Variants in STK38L observed in about 807,000 individuals in gnomAD.
The protein encoded by STK38L is serine/threonine kinase 38 like, also known as serine/threonine-protein kinase 38-like.
Under a neutral mutation model 59.7 loss-of-function variants are expected in STK38L, and 28 were observed. The ratio of observed to expected loss-of-function variants is 0.47; its 90% CI spans 0.35 to 0.64. The LOEUF (loss-of-function observed/expected upper bound fraction) is 0.64. STK38L is among the 30% of genes least tolerant of loss of function. The pLI is 0.01. For synonymous variants in STK38L, 162 were observed against 176.8 expected (o/e 0.92, Z 0.66); for missense variants, 314 against 555.8 (o/e 0.56, Z 4.37).
chr12:27,284,270 G>A (rs1943722416), intron 1 of STK38L, among the ~76,000 whole-genome samples: 1 of 152,218 alleles, frequency 6.6e-6, no homozygotes, highest in African/African-American at 2.4e-5. Flanking sequence ...TCACTGCACT[G>A]TGGACTCTCA....
intron 1 of STK38L, among the ~76,000 whole-genome samples, chr12:27,266,529 G>T (rs1943305050): frequency 6.6e-6 from 1 of 151,950 alleles, no homozygotes; most frequent in South Asian, 2.1e-4. Context: ...TTTTTTTGTT[G>T]CACTTTTAAG....
rs1399802019 is a variant in STK38L, at chr12:27,324,995, T to A, written c.*2540T>A. ...TTATTATAAACCGTGTGTTTTTGGTTTTTCTAAGTATATAGAAAGCTTGTA... is the reference window on the plus strand; with the variant it reads ...TTATTATAAACCGTGTGTTTTTGGTATTTCTAAGTATATAGAAAGCTTGTA... On this transcript the variant is annotated 3_prime_UTR_variant, in exon 14 of 14. Coordinates refer to ENST00000389032, the MANE Select transcript of STK38L (RefSeq NM_015000.4). 6.6e-6 allele frequency: 1 copy of A among 152,166 alleles called. No individual in the cohort carries two copies. The highest frequency in any genetic ancestry group is 2.4e-5 in the African/African-American group (1 of 41,478). The allele number at this position is 152,166 out of a possible 1,614,324, so 9.4% of individuals were successfully genotyped here.
At chr12:27,270,827 A>G (rs1209861884) in intron 1 of STK38L, among the ~76,000 whole-genome samples, 1 of 152,168 alleles carries the variant, frequency 6.6e-6, no homozygotes, top group Non-Finnish European at 1.5e-5. Context: ...ATCTTAAACT[A>G]TGATTTTAGT....
intron 1 of STK38L, among the ~76,000 whole-genome samples, chr12:27,284,856 T>C (rs1943736593): frequency 6.6e-6 from 1 of 152,234 alleles, no homozygotes; most frequent in Non-Finnish European, 1.5e-5. Flanking sequence ...GTTTTTTGTA[T>C]TCTGGTATCT....
intron 1 of STK38L, among the ~76,000 whole-genome samples, chr12:27,255,595 G>T (rs939650054): frequency 1.3e-5 from 2 of 152,178 alleles, no homozygotes; most frequent in African/African-American, 4.8e-5. Flanking sequence ...CCAACAAGTG[G>T]ATGTTTAGTC....
At chr12:27,294,161 A>T (rs1399306033) in intron 1 of STK38L, among the ~76,000 whole-genome samples, 2 of 152,228 alleles carry the variant, frequency 1.3e-5, no homozygotes, top group African/African-American at 4.8e-5. Context: ...GGTTCACTGG[A>T]ATACTACTGC....
At chr12:27,320,821 G>A (rs1321339849) in intron 12 of STK38L, among the ~76,000 whole-genome samples, 9 of 143,202 alleles carry the variant, frequency 6.3e-5, no homozygotes, top group Admixed American at 2.9e-4. Flanking sequence ...TCACTCTGTC[G>A]CCCAGGCTGG....
intron 3 of STK38L, among the ~76,000 whole-genome samples, chr12:27,304,258 CAAAAAAAA>C (rs34994566): frequency 6.4e-5 from 4 of 62,866 alleles, no homozygotes; most frequent in African/African-American, 2.0e-4. Flanking sequence ...GAGTCTGTCT[CAAAAAAAA>C]AAAAAAAAAA....
At position 27,267,425 on chromosome 12, in the gene STK38L, C is replaced by T. The variant is rs1306306052; in HGVS notation, c.-12+23093C>T. On this transcript the variant is annotated intron_variant, in intron 1 of 13. Coordinates refer to ENST00000389032, the MANE Select transcript of STK38L (RefSeq NM_015000.4). ...GGAAGACCTCATCTCTAACAACAAC[C>T]ACAACAACAAAAAATCAGCCAGGCA... is the stretch of plus-strand genomic sequence containing the variant. Among the ~76,000 whole-genome samples the T allele has an allele frequency of 2.0e-5, 3 of 152,118 alleles. No homozygotes were observed. In the East Asian group the frequency reaches 5.8e-4, roughly 29 times the overall value.
chr12:27,253,330 A>T (rs781680998), intron 1 of STK38L, among the ~76,000 whole-genome samples: 21 of 152,346 alleles, frequency 1.4e-4, no homozygotes, highest in Non-Finnish European at 2.8e-4. Context: ...AGTGAATTCA[A>T]GGAAAGAGAG....
intron 1 of STK38L, among the ~76,000 whole-genome samples, chr12:27,277,991 G>C (rs1023946505): frequency 2.0e-5 from 3 of 152,148 alleles, no homozygotes; most frequent in African/African-American, 7.2e-5. Context: ...AGTGGAGGAG[G>C]GACTTTTCAG....
chr12:27,288,602 C>T (rs1943830374), intron 1 of STK38L, among the ~76,000 whole-genome samples: 1 of 152,038 alleles, frequency 6.6e-6, no homozygotes, highest in Admixed American at 6.5e-5. Flanking sequence ...ACCATGCTCT[C>T]ATGCTCTCCA....
chr12:27,306,891 C>A (rs769206399), intron 3 of STK38L, among the ~76,000 whole-genome samples: 1 of 152,064 alleles, frequency 6.6e-6, no homozygotes, highest in Non-Finnish European at 1.5e-5. Flanking sequence ...CCACCACGCC[C>A]GGCTAATTTT....
chr12:27,315,939 T>A lies in STK38L; in HGVS notation c.837+589T>A, dbSNP rs181967855. On this transcript the variant is annotated intron_variant, in intron 9 of 13. Transcript: ENST00000389032. Reference sequence around the variant, plus strand: ...AAATAGAAGAATTGCTTCCCCTTTCTCCTCTTTCCCTTTGTCCTGTTAACA... The same window carrying A: ...AAATAGAAGAATTGCTTCCCCTTTCACCTCTTTCCCTTTGTCCTGTTAACA... Among the ~76,000 whole-genome samples the A allele has an allele frequency of 9.2e-5, 14 of 152,322 alleles. No individual in the cohort carries two copies. In the East Asian group the frequency reaches 2.7e-3, roughly 29 times the overall value.
chr12:27,288,653 A>G (rs980674610), intron 1 of STK38L, among the ~76,000 whole-genome samples: 1 of 151,770 alleles, frequency 6.6e-6, no homozygotes, highest in African/African-American at 2.4e-5. Context: ...TATAAATTCT[A>G]TAAATTTCTG....
intron 1 of STK38L, among the ~76,000 whole-genome samples, chr12:27,291,698 A>G (rs1282453354): frequency 6.6e-6 from 1 of 152,208 alleles, no homozygotes; most frequent in Non-Finnish European, 1.5e-5. Context: ...GACCCAGTTT[A>G]TACAGTGTAC....
At chr12:27,318,705 T>A (rs1944647992) in intron 11 of STK38L, among the ~76,000 whole-genome samples, 1 of 152,100 alleles carries the variant, frequency 6.6e-6, no homozygotes. Flanking sequence ...GAAAACAAAT[T>A]TATTGGCTGG....
At chr12:27,270,950 A>C (rs1162246774) in intron 1 of STK38L, among the ~76,000 whole-genome samples, 1 of 152,190 alleles carries the variant, frequency 6.6e-6, no homozygotes, top group Admixed American at 6.5e-5. Flanking sequence ...ATTTTTCCAC[A>C]TATTGGAGGA....
chr12:27,303,481 C>G (rs1944230997), intron 3 of STK38L, among the ~76,000 whole-genome samples: 1 of 152,154 alleles, frequency 6.6e-6, no homozygotes, highest in Non-Finnish European at 1.5e-5. Context: ...TACAGTCTTC[C>G]CAAAGACTAG....
Sources: allele counts gnomAD v4.1 joint callset (sites outside exome capture counted in the v4.1 genomes callset), GRCh38; gene constraint gnomAD v4.1.1; transcripts MANE v1.5; gene names NCBI Gene and HGNC (gene_info 2026-07-23, HGNC 2026-07-21).